The following CMTR1 variants were observed in gnomAD, a reference collection of about 807,000 sequenced individuals.
The protein encoded by CMTR1 is cap methyltransferase 1.
In CMTR1, 39 loss-of-function variants were observed where a neutral mutation model predicts 107.0. That is an observed-to-expected ratio of 0.36 (90% confidence interval 0.28 to 0.48). The LOEUF (loss-of-function observed/expected upper bound fraction) is 0.48, where lower values mean the gene tolerates loss of function less well. Ranked by LOEUF, CMTR1 falls within the 20% of genes least tolerant of loss-of-function variation. The pLI, the probability that CMTR1 is intolerant of heterozygous loss-of-function variation, is 0.99. For synonymous variants in CMTR1, 366 were observed against 379.5 expected, an observed-to-expected ratio of 0.96 and a Z score of 0.41; for missense variants, 672 against 1,064.9, an observed-to-expected ratio of 0.63 and a Z score of 5.14.
At chr6:37,479,033 T>C in intron 22 of CMTR1, 114 bp from the exon 23 acceptor site, 1 of 699,138 alleles carries the variant, frequency 1.4e-6, no homozygotes, top group Non-Finnish European at 2.5e-6. Context: ...TATTCCCTGC[T>C]TGCTTTTGGT....
chr6:37,480,885 T>C lies in CMTR1; in HGVS notation c.*740T>C. The stretch of plus-strand genomic sequence containing the variant: ...AGCCATCCTAGGTGCCATCCCCTTT[T>C]GGTCCAAACATTGGGCAGCGCTAGA... On this transcript the variant is annotated 3_prime_UTR_variant, in exon 24 of 24. Transcript: ENST00000373451. 1 of 1,196,884 alleles carries C rather than the reference T, an allele frequency of 8.4e-7. No homozygotes were observed. The highest frequency in any genetic ancestry group is 1.1e-6 in the Non-Finnish European group (1 of 947,560). The allele number at this position is 1,196,884 out of a possible 1,614,324, so 74.1% of individuals were successfully genotyped here. A position where few individuals can be genotyped will look rare whatever the true frequency, so the allele number is the denominator to read the frequency against.
intron 13 of CMTR1, among the ~76,000 whole-genome samples, chr6:37,470,816 T>G (rs1456338071): frequency 2.6e-5 from 4 of 152,114 alleles, no homozygotes; most frequent in Admixed American, 2.0e-4. Flanking sequence ...AAGAACTGAG[T>G]GACCCAGTTT....
chr6:37,460,455 G>A (rs1310211804), intron 10 of CMTR1, among the ~76,000 whole-genome samples: 2 of 152,110 alleles, frequency 1.3e-5, no homozygotes, highest in Non-Finnish European at 2.9e-5. Flanking sequence ...AGCTGTTGCT[G>A]TGCGGCAGCT....
chr6:37,453,602 G>A (rs1581737523), intron 8 of CMTR1, among the ~76,000 whole-genome samples: 4 of 149,766 alleles, frequency 2.7e-5, no homozygotes, highest in Non-Finnish European at 5.9e-5. Context: ...TTGAAACTTG[G>A]TGACATCACC....
Position 37,453,247 on chromosome 6 carries a change from A to G in CMTR1, c.712A>G (p.Met238Val). 3.1e-6 allele frequency: 5 copies of G among 1,614,166 alleles called. No individual in the cohort carries two copies. Among genetic ancestry groups the G allele is most frequent in the Non-Finnish European group, 4.2e-6 (5 of 1,180,016 alleles). The change falls in exon 8 of 24, where the codon ATG becomes GTG. Residue 238 changes from methionine to valine, a missense_variant. Coordinates refer to ENST00000373451, the MANE Select transcript of CMTR1 (RefSeq NM_015050.3). ...RGVFFLNRAAMKMANMDFVFD... is the reference protein window; with the variant it reads ...RGVFFLNRAAVKMANMDFVFD... Reference sequence around the variant, plus strand: ...TGTCTTGCTTTATTGCAGGGCAGCAATGAAGATGGCTAACATGGATTTTGT... The same window carrying G: ...TGTCTTGCTTTATTGCAGGGCAGCAGTGAAGATGGCTAACATGGATTTTGT...
chr6:37,461,712 T>C (rs1761406368), intron 11 of CMTR1, 67 bp downstream of exon 11: 1 of 1,102,078 alleles, frequency 9.1e-7, no homozygotes, highest in East Asian at 2.4e-5. Flanking sequence ...CAAGAACATG[T>C]ACAAGGGGTT....
At chr6:37,439,858 A>G (rs1183928546) in intron 2 of CMTR1, among the ~76,000 whole-genome samples, 2 of 152,104 alleles carry the variant, frequency 1.3e-5, no homozygotes, top group Admixed American at 6.5e-5. Context: ...TGTTGCCCAC[A>G]CTGGCCATGA....
chr6:37,430,767 T>A (rs959381215), upstream of CMTR1, among the ~76,000 whole-genome samples: 1 of 152,114 alleles, frequency 6.6e-6, no homozygotes, highest in Non-Finnish European at 1.5e-5. Context: ...GTAATCCCAG[T>A]CCTTTGGGAG....
At chr6:37,427,764 G>C in the CMTR1 span, among the ~76,000 whole-genome samples, 1 of 152,066 alleles carries the variant, frequency 6.6e-6, no homozygotes, top group South Asian at 2.1e-4. This position sits in a 1 kb window ranked among gnomAD's most constrained non-coding sequence, Gnocchi z 4.4. Context: ...TTTACAAAGT[G>C]TGGCTGGTGA....
intron 5 of CMTR1, 47 bp downstream of exon 5, chr6:37,450,390 CTT>C (rs1419346812): frequency 7.1e-7 from 1 of 1,415,282 alleles, no homozygotes; most frequent in Non-Finnish European, 1.0e-6. Context: ...ATTCTCTTGA[CTT>C]TTCACTTGCT....
At chr6:37,477,421 GA>G (rs1761761177) in intron 20 of CMTR1, among the ~76,000 whole-genome samples, 170 bp from the exon 21 acceptor site, 1 of 152,226 alleles carries the variant, frequency 6.6e-6, no homozygotes, top group Non-Finnish European at 1.5e-5. Context: ...TGTCTGTGTA[GA>G]ACAGCCATGT....
chr6:37,476,218 C>T (rs1561793718), intron 20 of CMTR1, 24 bp downstream of exon 20: 2 of 1,613,172 alleles, frequency 1.2e-6, no homozygotes, highest in African/African-American at 1.3e-5. Flanking sequence ...CCCTACCCTC[C>T]ATGCTTCTTT....
In CMTR1 at chr6:37,458,844, A is replaced by AG; in HGVS notation, c.976+37dup. ...ATTGAGGAGGGTACTAGGAGGTATGAGGGACAGCCCCTCTATGGGGACTTC... is the reference window on the plus strand; with the variant it reads ...ATTGAGGAGGGTACTAGGAGGTATGAGGGGACAGCCCCTCTATGGGGACTTC... On this transcript the variant is annotated intron_variant, in intron 9 of 23. Transcript: ENST00000373451. This position sits in a 1 kb window ranked among gnomAD's most constrained non-coding sequence, Gnocchi z 4.7. 6.2e-7 allele frequency: 1 copy of AG among 1,600,550 alleles called. No homozygotes were observed. The highest frequency in any genetic ancestry group is 8.6e-7 in the Non-Finnish European group (1 of 1,169,280).
At chr6:37,477,760 G>C (rs1056867728) in intron 21 of CMTR1, 121 bp downstream of exon 21, 1 of 699,290 alleles carries the variant, frequency 1.4e-6, no homozygotes, top group Non-Finnish European at 2.6e-6. Context: ...TGCCTCCAGC[G>C]GTCCCCTCAC....
intron 14 of CMTR1, 51 bp downstream of exon 14, chr6:37,471,128 C>G (rs1420694492): frequency 6.7e-7 from 1 of 1,481,550 alleles, no homozygotes; most frequent in East Asian, 2.3e-5. Flanking sequence ...GAAGATCTTG[C>G]TTTTCCTCCC....
rs187256473 is a variant in CMTR1 at position 37,444,386 on chromosome 6, C to T, written c.285+236C>T. 8.5e-4 allele frequency among the ~76,000 whole-genome samples: 129 copies of T among 152,246 alleles called. 1 individual carries two copies. Among genetic ancestry groups the T allele is most frequent in the Middle Eastern group, 3.4e-3 (1 of 294 alleles). ...TGCTGTTCTATCTGGACTGGATCAC[C>T]TTTTCATATCCATAGTAATGAATTC... is the stretch of plus-strand genomic sequence containing the variant. On this transcript the variant is annotated intron_variant, in intron 3 of 23. Transcript: ENST00000373451.
chr6:37,443,502 G>A (rs7750907), intron 2 of CMTR1, among the ~76,000 whole-genome samples: 63 of 151,970 alleles, frequency 4.1e-4, no homozygotes, highest in African/African-American at 1.4e-3. Context: ...TTACAGGCAC[G>A]CACTACCACA....
chr6:37,463,209 C>A (rs1761437587), intron 13 of CMTR1, among the ~76,000 whole-genome samples: 2 of 152,170 alleles, frequency 1.3e-5, no homozygotes, highest in Admixed American at 6.5e-5. Context: ...ATGCCCTATC[C>A]CAAGGGTGGC....
intron 2 of CMTR1, among the ~76,000 whole-genome samples, chr6:37,443,033 C>G (rs1319023966): frequency 6.6e-6 from 1 of 152,140 alleles, no homozygotes; most frequent in African/African-American, 2.4e-5. Flanking sequence ...AAAAAGATAG[C>G]CAGTGTAAAC....
Sources: allele counts gnomAD v4.1 joint callset (sites outside exome capture counted in the v4.1 genomes callset), GRCh38; gene constraint gnomAD v4.1.1; non-coding constraint Gnocchi (gnomAD v3.1); transcripts MANE v1.5; gene names NCBI Gene and HGNC (gene_info 2026-07-23, HGNC 2026-07-21).